Variants in CASP8 observed in about 807,000 individuals in gnomAD.
The protein encoded by CASP8 is caspase-8.
Under a neutral mutation model 46.3 loss-of-function variants are expected in CASP8, and 24 were observed. The observed-to-expected ratio is 0.52, with a 90% CI of 0.38 to 0.73. The LOEUF (loss-of-function observed/expected upper bound fraction) is 0.73. Among genes scored for constraint, CASP8 ranks in the 30% least tolerant of loss-of-function variants. The pLI is 0.00. For missense variants in CASP8, 460 were observed against 559.0 expected (o/e 0.82, Z 1.79); for synonymous variants, 188 against 200.4 (o/e 0.94, Z 0.52).
intron 2 of CASP8, among the ~76,000 whole-genome samples, chr2:201,244,008 A>C (rs144866355): frequency 6.6e-6 from 1 of 152,186 alleles, no homozygotes; most frequent in Non-Finnish European, 1.5e-5. Flanking sequence ...CTGGAGCCCA[A>C]ATAATTCCTA....
At chr2:201,240,075 G>A (rs1047102622) in intron 2 of CASP8, among the ~76,000 whole-genome samples, 1 of 152,080 alleles carries the variant, frequency 6.6e-6, no homozygotes, top group Non-Finnish European at 1.5e-5. Flanking sequence ...TTTAGCATGT[G>A]GGAGGTAAGG....
intron 2 of CASP8, among the ~76,000 whole-genome samples, chr2:201,251,075 G>A (rs976342658): frequency 3.3e-5 from 5 of 152,104 alleles, no homozygotes; most frequent in Non-Finnish European, 7.3e-5. Context: ...ATGCCTTTGC[G>A]TGGTTTGATA....
chr2:201,260,417 G>A (rs1464477653), upstream of CASP8: 1 of 409,386 alleles, frequency 2.4e-6, no homozygotes, highest in African/African-American at 2.2e-5. Flanking sequence ...AGAAGCTTTA[G>A]AAGGCACTCT....
intron 2 of CASP8, among the ~76,000 whole-genome samples, chr2:201,253,457 C>CAAA (rs1005946864): frequency 9.2e-5 from 14 of 151,678 alleles, no homozygotes; most frequent in Admixed American, 9.2e-4. Context: ...CCCCTGAGAC[C>CAAA]AAAAAATGTT....
chr2:201,254,007 G>A (rs941400332), intron 2 of CASP8, among the ~76,000 whole-genome samples: 4 of 151,876 alleles, frequency 2.6e-5, no homozygotes, highest in African/African-American at 9.7e-5. Flanking sequence ...CTTGAACCCA[G>A]GAGGCGGAGG....
At chr2:201,234,616 A>ATT (rs11407922) in intron 2 of CASP8, among the ~76,000 whole-genome samples, 6 of 145,076 alleles carry the variant, frequency 4.1e-5, no homozygotes, top group African/African-American at 7.7e-5. Context: ...TGCCTGGCTA[A>ATT]TTTTTTTTTT....
chr2:201,270,866 G>A (rs1482822443), intron 2 of CASP8, among the ~76,000 whole-genome samples: 1 of 152,126 alleles, frequency 6.6e-6, no homozygotes, highest in Non-Finnish European at 1.5e-5. Context: ...TCGTTTTGGG[G>A]TTACTAAGTC....
chr2:201,262,040 T>C (rs1052895509), intron 1 of CASP8: 27 of 152,186 alleles, frequency 1.8e-4, no homozygotes, highest in Admixed American at 1.8e-3. Flanking sequence ...GGCTTTGTTA[T>C]TATAAAATTT....
At chr2:201,279,521 A>G (rs1237739953) in intron 7 of CASP8, among the ~76,000 whole-genome samples, 3 of 152,244 alleles carry the variant, frequency 2.0e-5, no homozygotes, top group East Asian at 1.9e-4. Context: ...CAGGTCCCCA[A>G]CCAATCATCT....
At chr2:201,273,050 T>A in intron 5 of CASP8, 108 bp downstream of exon 5, 3 of 813,364 alleles carry the variant, frequency 3.7e-6, no homozygotes, top group Non-Finnish European at 5.8e-6. Flanking sequence ...GTGCCTGCTC[T>A]ACTTTTTCTT....
At chr2:201,281,283 T>C (rs533644383) in intron 7 of CASP8, among the ~76,000 whole-genome samples, 2 of 152,094 alleles carry the variant, frequency 1.3e-5, no homozygotes, top group East Asian at 1.9e-4. Flanking sequence ...CACTGCACTG[T>C]AGCCTGGGTG....
chr2:201,275,125 T>G (rs751649500), intron 6 of CASP8, among the ~76,000 whole-genome samples, 172 bp downstream of exon 6: 55 of 152,084 alleles, frequency 3.6e-4, no homozygotes, highest in Non-Finnish European at 5.9e-4. Flanking sequence ...TGTGACTTAA[T>G]TTTTAAAATG....
At chr2:201,263,628 T>C (rs1947585378) in intron 1 of CASP8, among the ~76,000 whole-genome samples, 1 of 152,254 alleles carries the variant, frequency 6.6e-6, no homozygotes, top group African/African-American at 2.4e-5. Flanking sequence ...CTAAGCATTG[T>C]TATCCTCAGA....
At chr2:201,244,820 TG>T (rs1453207131) in intron 2 of CASP8, among the ~76,000 whole-genome samples, 1 of 151,874 alleles carries the variant, frequency 6.6e-6, no homozygotes, top group Non-Finnish European at 1.5e-5. Flanking sequence ...TTGAAGGGGG[TG>T]GGGGGCCCTT....
At chr2:201,247,190 CA>C (rs71022356) in intron 2 of CASP8, among the ~76,000 whole-genome samples, 66 of 81,392 alleles carry the variant, frequency 8.1e-4, no homozygotes, top group South Asian at 2.3e-3. Flanking sequence ...CTGTCTGTCT[CA>C]AAAAAAAAAA....
chr2:201,257,539 A>G (rs1947082575), upstream of CASP8, among the ~76,000 whole-genome samples: 1 of 152,012 alleles, frequency 6.6e-6, no homozygotes, highest in South Asian at 2.1e-4. Context: ...GCTTTGGAGA[A>G]CAGACCTCAG....
At chr2:201,286,336 T>A in intron 8 of CASP8, 123 bp from the exon 9 acceptor site, 1 of 1,252,526 alleles carries the variant, frequency 8.0e-7, no homozygotes, top group South Asian at 1.2e-5. Context: ...CGCACCTTAT[T>A]GTTTCAAATG....
chr2:201,276,756 G>T, intron 6 of CASP8, 71 bp from the exon 7 acceptor site: 3 of 1,605,182 alleles, frequency 1.9e-6, no homozygotes, highest in Non-Finnish European at 2.6e-6. Context: ...CTCTTACTAG[G>T]GAGTTGTTTG....
intron 2 of CASP8, chr2:201,243,056 G>C (rs1946368341): frequency 6.6e-6 from 1 of 152,146 alleles, no homozygotes; most frequent in Non-Finnish European, 1.5e-5. Flanking sequence ...AGAGTGGAAT[G>C]GTGGTTGCCA....
Sources: allele counts gnomAD v4.1 joint callset (sites outside exome capture counted in the v4.1 genomes callset), GRCh38; gene constraint gnomAD v4.1.1; transcripts MANE v1.5; gene names NCBI Gene and HGNC (gene_info 2026-07-23, HGNC 2026-07-21).